ESYT2: variants seen among roughly 807,000 people sequenced by gnomAD.
The protein encoded by ESYT2 is extended synaptotagmin-2.
ESYT2 carries 54 observed loss-of-function variants against 107.2 expected under a neutral mutation model. The ratio of observed to expected loss-of-function variants is 0.50; its 90% CI spans 0.40 to 0.63. The LOEUF (loss-of-function observed/expected upper bound fraction) is 0.63. Among genes scored for constraint, ESYT2 ranks in the 30% least tolerant of loss-of-function variants. The pLI is 0.00. For synonymous variants in ESYT2, 491 were observed against 434.1 expected, an observed-to-expected ratio of 1.13 and a Z score of -1.63; for missense variants, 1,020 against 1,094.5, an observed-to-expected ratio of 0.93 and a Z score of 0.96.
At chr7:158,819,016 A>G (rs904541965) in intron 1 of ESYT2, among the ~76,000 whole-genome samples, 3 of 152,262 alleles carry the variant, frequency 2.0e-5, no homozygotes, top group African/African-American at 7.2e-5. Flanking sequence ...CAAAGTAGCC[A>G]TTACTCAATT....
chr7:158,792,438 G>A (rs1839327230), intron 4 of ESYT2, among the ~76,000 whole-genome samples: 1 of 151,384 alleles, frequency 6.6e-6, no homozygotes, highest in Non-Finnish European at 1.5e-5. Flanking sequence ...TGAGGTGAGA[G>A]GATCGCTTGA....
At position 158,759,498 on chromosome 7, in the gene ESYT2, T is replaced by C; in HGVS notation, c.1407A>G (p.Ala469=). The change falls in exon 13 of 23, where the codon GCA becomes GCG. Residue 469 remains alanine, a synonymous_variant. Transcript: ENST00000275418. ...CTGTGTTACCTACCGGAAGGTTCCTTGCTGAATCCAAGTACAAGATCAGCA... is the reference window on the plus strand; with the variant it reads ...CTGTGTTACCTACCGGAAGGTTCCTCGCTGAATCCAAGTACAAGATCAGCA... ...SALLILYLDS[A]RNLPSNPLEF... The C allele has an allele frequency of 6.2e-7, 1 of 1,610,786 alleles. No homozygotes were observed.
Position 158,734,166 on chromosome 7 carries a change from T to C in ESYT2, c.*41A>G. The C allele has an allele frequency of 6.2e-7, 1 of 1,612,142 alleles. No individual in the cohort carries two copies. On this transcript the variant is annotated 3_prime_UTR_variant, in exon 23 of 23. Coordinates refer to ENST00000275418, the MANE Select transcript of ESYT2 (RefSeq NM_001367773.1). ...TGAGAGGGTGTGTTCCGGGTAGAGG[T>C]GGAGAGCTACGCTGAAGAGGACGCC...
Position 158,764,773 on chromosome 7 carries a change from C to A in ESYT2, c.1005G>T (p.Lys335Asn), listed in dbSNP as rs1838092684. The A allele has an allele frequency of 1.2e-6, 2 of 1,614,226 alleles. No individual in the cohort carries two copies. Among genetic ancestry groups the A allele is most frequent in the Non-Finnish European group, 1.7e-6 (2 of 1,180,034 alleles). ...DTYLKGLVKG[K>N]SDPYGIIRVG... ...CTCTAATGATTCCATAGGGGTCTGA[C>A]TTTCCCTTGACAAGTCCCTTAAGGT... Residue 335 changes from lysine to asparagine, a missense_variant, in exon 9 of 23, where the codon AAG (lysine) becomes AAT (asparagine). Transcript: ENST00000275418.
intron 18 of ESYT2, among the ~76,000 whole-genome samples, chr7:158,741,264 A>T (rs1201089031): frequency 6.6e-6 from 1 of 152,150 alleles, no homozygotes; most frequent in Non-Finnish European, 1.5e-5. Context: ...TGTCTTTCCT[A>T]CTGTGAAACC....
chr7:158,802,189 T>C (rs966626202), intron 1 of ESYT2, among the ~76,000 whole-genome samples: 1 of 152,222 alleles, frequency 6.6e-6, no homozygotes, highest in Non-Finnish European at 1.5e-5. Context: ...GTAAAAGGAA[T>C]GTCTTTCTTC....
At chr7:158,809,349 A>G (rs959678819) in intron 1 of ESYT2, among the ~76,000 whole-genome samples, 1 of 151,640 alleles carries the variant, frequency 6.6e-6, no homozygotes, top group East Asian at 2.0e-4. Flanking sequence ...GGTGGCGTGC[A>G]TCTGTAGTCC....
At chr7:158,753,587 A>C (rs992760631) in intron 13 of ESYT2, among the ~76,000 whole-genome samples, 3 of 151,848 alleles carry the variant, frequency 2.0e-5, no homozygotes, top group Admixed American at 1.3e-4. Flanking sequence ...GACAAGCTGA[A>C]CTAAATGTTT....
intron 1 of ESYT2, among the ~76,000 whole-genome samples, chr7:158,807,621 T>C (rs1164842476): frequency 6.6e-6 from 1 of 152,222 alleles, no homozygotes; most frequent in Non-Finnish European, 1.5e-5. Flanking sequence ...TTCCCAATTA[T>C]AGCCTGTGTG....
intron 6 of ESYT2, among the ~76,000 whole-genome samples, chr7:158,778,441 T>A (rs1838646882): frequency 6.7e-6 from 1 of 149,972 alleles, no homozygotes; most frequent in African/African-American, 2.5e-5. Flanking sequence ...AAGTTACTTG[T>A]ATTATGGATA....
intron 4 of ESYT2, among the ~76,000 whole-genome samples, chr7:158,792,298 T>C (rs1839321013): frequency 6.6e-6 from 1 of 150,506 alleles, no homozygotes; most frequent in African/African-American, 2.4e-5. Context: ...CCAAGGTGAG[T>C]GGATCACTTG....
intron 7 of ESYT2, among the ~76,000 whole-genome samples, chr7:158,770,861 CAAG>C (rs1838342293): frequency 6.6e-6 from 1 of 151,994 alleles, no homozygotes; most frequent in African/African-American, 2.4e-5. Flanking sequence ...ACATATAAAA[CAAG>C]AGAAGCTGGA....
At chr7:158,826,819 CAA>C (rs10685364) in intron 1 of ESYT2, among the ~76,000 whole-genome samples, 1 of 117,056 alleles carries the variant, frequency 8.5e-6, no homozygotes, top group Non-Finnish European at 1.7e-5. Flanking sequence ...GATTCCGTCT[CAA>C]AAAAAAAAAA....
Position 158,749,758 on chromosome 7 carries a change from T to C in ESYT2, c.1483-35A>G, listed in dbSNP as rs775735041. The C allele has an allele frequency of 1.3e-5, 20 of 1,595,514 alleles. No homozygotes were observed. The South Asian group carries it at 2.1e-4, about 17-fold the overall frequency. On this transcript the variant is annotated intron_variant, in intron 14 of 22. Transcript: ENST00000275418. Reference sequence around the variant, plus strand: ...ACAAACAGAAAACAGACAAAATAAATAAACACATTTTAAATGGGTCTTAAC... The same window carrying C: ...ACAAACAGAAAACAGACAAAATAAACAAACACATTTTAAATGGGTCTTAAC...
intron 7 of ESYT2, among the ~76,000 whole-genome samples, chr7:158,769,934 A>AT (rs140810114): frequency 1.3e-5 from 2 of 151,460 alleles, no homozygotes; most frequent in Non-Finnish European, 2.9e-5. Flanking sequence ...TAATTAATTT[A>AT]TTTTTTTTGA....
Position 158,759,963 on chromosome 7 carries a change from T to A in ESYT2, c.1323+95A>T, listed in dbSNP as rs1837902055. The A allele has an allele frequency of 5.5e-6, 6 of 1,096,838 alleles. No homozygotes were observed. The South Asian group carries it at 8.0e-5, about 15-fold the overall frequency. The allele number at this position is 1,096,838 out of a possible 1,614,324, so 67.9% of individuals were successfully genotyped here. On this transcript the variant is annotated intron_variant, in intron 12 of 22. Transcript: ENST00000275418. Reference sequence around the variant, plus strand: ...ATAATGAAAATTACTGCTATAATTGTTAAAAAATCAAGTAGCAACACAACT... The same window carrying A: ...ATAATGAAAATTACTGCTATAATTGATAAAAAATCAAGTAGCAACACAACT...
intron 6 of ESYT2, among the ~76,000 whole-genome samples, chr7:158,787,801 A>G (rs568066295): frequency 2.6e-5 from 4 of 152,222 alleles, no homozygotes; most frequent in Non-Finnish European, 4.4e-5. Context: ...ACATTTTTAT[A>G]ATCAGGAAAG....
chr7:158,793,596 A>T, intron 4 of ESYT2, 54 bp downstream of exon 4: 1 of 1,296,386 alleles, frequency 7.7e-7, no homozygotes, highest in Non-Finnish European at 1.1e-6. Flanking sequence ...AGGTACAGCT[A>T]AGTGACATTA....
intron 16 of ESYT2, among the ~76,000 whole-genome samples, chr7:158,744,775 T>C (rs1237978221): frequency 6.6e-6 from 1 of 152,204 alleles, no homozygotes; most frequent in Non-Finnish European, 1.5e-5. Context: ...TCTGAAGGTT[T>C]CTCAGGCTAT....
Sources: allele counts gnomAD v4.1 joint callset (sites outside exome capture counted in the v4.1 genomes callset), GRCh38; gene constraint gnomAD v4.1.1; transcripts MANE v1.5; gene names NCBI Gene and HGNC (gene_info 2026-07-23, HGNC 2026-07-21).